Variants in RPL31 observed in about 807,000 individuals in gnomAD.
RPL31 encodes the protein large ribosomal subunit protein eL31.
For synonymous variants in RPL31, 51 were observed against 55.0 expected (o/e 0.93, Z 0.32); for missense variants, 95 against 164.0 (o/e 0.58, Z 2.30).
At chr2:101,004,687 G>T in intron 3 of RPL31, 1 of 218,522 alleles carries the variant, frequency 4.6e-6, no homozygotes, top group African/African-American at 2.3e-5. Context: ...AGTTTTACCT[G>T]TCCTTCCCGG....
chr2:101,012,449 A>G (rs1011985108), intron 4 of RPL31, among the ~76,000 whole-genome samples: 3 of 152,252 alleles, frequency 2.0e-5, no homozygotes, highest in South Asian at 2.1e-4. Context: ...AACATGATAC[A>G]GCAACTCCAT....
downstream of RPL31, chr2:101,007,920 C>T: frequency 6.2e-7 from 1 of 1,614,014 alleles, no homozygotes; most frequent in Non-Finnish European, 8.5e-7. Context: ...GTTTGGATTT[C>T]ATGTCCAGTG....
intron 4 of RPL31, among the ~76,000 whole-genome samples, chr2:101,012,989 T>C (rs2278726): frequency 0.24 from 36,735 of 152,138 alleles, 4,646 homozygotes; most frequent in Middle Eastern, 0.33. Context: ...AGGATGGAAA[T>C]GGATTTCCCA....
intron 4 of RPL31, among the ~76,000 whole-genome samples, chr2:101,016,854 C>T (rs1189795510): frequency 6.6e-6 from 1 of 151,142 alleles, no homozygotes; most frequent in Non-Finnish European, 1.5e-5. Context: ...TGTTCTCACT[C>T]ATAGATGGGA....
At chr2:101,019,367 A>C (rs991847908) in exon 5 of RPL31, 23 of 204,126 alleles carry the variant, frequency 1.1e-4, no homozygotes, top group African/African-American at 5.3e-4. Context: ...CACCTTTAAA[A>C]AGTTTTTCAT....
chr2:101,012,360 C>A (rs991173397), intron 4 of RPL31, among the ~76,000 whole-genome samples: 1 of 152,130 alleles, frequency 6.6e-6, no homozygotes, highest in African/African-American at 2.4e-5. Flanking sequence ...GAATATTTGG[C>A]CATTAAAAGG....
At chr2:101,018,076 A>T (rs1679784417) in intron 4 of RPL31, 1 of 736,386 alleles carries the variant, frequency 1.4e-6, no homozygotes, top group Non-Finnish European at 2.2e-6. Context: ...ATCTAGGCTA[A>T]TGGGACTAGA....
chr2:101,008,204 A>G (rs1274906111), downstream of RPL31: 1 of 1,608,800 alleles, frequency 6.2e-7, no homozygotes, highest in Non-Finnish European at 8.5e-7. Flanking sequence ...ATGGCTTGAT[A>G]CAAATCATTT....
chr2:101,015,765 G>A (rs936699296), intron 4 of RPL31, among the ~76,000 whole-genome samples: 4 of 152,262 alleles, frequency 2.6e-5, no homozygotes, highest in Middle Eastern at 3.4e-3. Flanking sequence ...CAGAAACAAC[G>A]CCGCATATCC....
At chr2:101,007,875 T>G (rs2105353326), downstream of RPL31, 1 of 1,612,422 alleles carries the variant, frequency 6.2e-7, no homozygotes, top group Non-Finnish European at 8.5e-7. Context: ...TTTCAAAAGT[T>G]TTGAGATTGT....
Position 101,005,948 on chromosome 2 carries a change from GTTT to G in RPL31, c.234-8_234-6del. ...GCATTGACTTCAGCAACACAATTAT[GTTT>G]TTATTAGGAATGTGCCATACCGAAT... On this transcript the variant is annotated splice_polypyrimidine_tract_variant and splice_region_variant and intron_variant, in intron 3 of 4. Coordinates refer to ENST00000264258, the MANE Select transcript of RPL31 (RefSeq NM_000993.5). The G allele has an allele frequency of 6.2e-7, 1 of 1,610,028 alleles. No individual in the cohort carries two copies. The highest frequency in any genetic ancestry group is 8.5e-7 in the Non-Finnish European group (1 of 1,178,348).
At chr2:101,011,254 TGGG>T, downstream of RPL31, 1 of 695,234 alleles carries the variant, frequency 1.4e-6, no homozygotes, top group South Asian at 1.9e-5. Flanking sequence ...AACTTGGTGG[TGGG>T]GGCAAGGGGC....
At chr2:101,015,488 CTT>C (rs1679560204) in intron 4 of RPL31, among the ~76,000 whole-genome samples, 2 of 152,152 alleles carry the variant, frequency 1.3e-5, no homozygotes, top group African/African-American at 4.8e-5. Context: ...CTTTTTGACT[CTT>C]TTGTAATAAC....
In RPL31 at chr2:101,004,230, A is replaced by G. The variant is rs988927314; in HGVS notation, c.180A>G (p.Pro60=). The change falls in exon 3 of 5, where the codon CCA becomes CCG. Residue 60 remains proline, a synonymous_variant. Coordinates refer to ENST00000264258, the MANE Select transcript of RPL31 (RefSeq NM_000993.5). The stretch of plus-strand genomic sequence containing the variant: ...TTGCCATGAAGGAGATGGGAACTCC[A>G]GATGTGCGCATTGACACCAGGCTCA... The part of the protein sequence containing the change: ...RKFAMKEMGT[P]DVRIDTRLNK... 5 of 1,614,000 alleles carry G rather than the reference A, an allele frequency of 3.1e-6. No homozygotes were observed. The African/African-American group carries it at 5.3e-5, about 17-fold the overall frequency.
chr2:101,018,849 A>T, intron 4 of RPL31: 1 of 953,974 alleles, frequency 1.0e-6, no homozygotes, highest in Non-Finnish European at 1.5e-6. Context: ...CTGAAAGTCC[A>T]ATTAGTATAA....
chr2:101,003,055 T>C (rs1182596387), intron 2 of RPL31, among the ~76,000 whole-genome samples: 1 of 152,148 alleles, frequency 6.6e-6, no homozygotes, highest in Non-Finnish European at 1.5e-5. Context: ...AGCTCCCTAC[T>C]CCTGTTCCCT....
chr2:101,009,947 G>A (rs1390149310), downstream of RPL31, among the ~76,000 whole-genome samples: 1 of 151,260 alleles, frequency 6.6e-6, no homozygotes, highest in Non-Finnish European at 1.5e-5. Flanking sequence ...TCAGCCTCCC[G>A]AGTAGCTGGG....
At position 101,006,077 on chromosome 2, in the gene RPL31, T is replaced by C; in HGVS notation, c.346+6T>C. On this transcript the variant is annotated splice_donor_region_variant and intron_variant, in intron 4 of 4. Coordinates refer to ENST00000264258, the MANE Select transcript of RPL31 (RefSeq NM_000993.5). ...ACCTGTTACCACTTTCAAAAGTAAG[T>C]TCTCCATCCCATAAAGCCATTTAAA... The C allele has an allele frequency of 4.3e-6, 7 of 1,612,396 alleles. No homozygotes were observed. The highest frequency in any genetic ancestry group is 8.5e-7 in the Non-Finnish European group (1 of 1,179,436).
chr2:101,007,244 C>CTT lies in RPL31; in HGVS notation c.*864_*865dup, dbSNP rs1440609774. 6.6e-6 allele frequency: 1 copy of CTT among 152,252 alleles called. No individual in the cohort carries two copies. Among genetic ancestry groups the CTT allele is most frequent in the Non-Finnish European group, 1.5e-5 (1 of 68,116 alleles). 9.4% of individuals were successfully genotyped at this position (152,252 alleles called of 1,614,324 possible). A position where few individuals can be genotyped will look rare whatever the true frequency, so the allele number is the denominator to read the frequency against. On this transcript the variant is annotated 3_prime_UTR_variant, in exon 5 of 5. Coordinates refer to ENST00000264258, the MANE Select transcript of RPL31 (RefSeq NM_000993.5). ...AGGACCAAGTAAATACAAAAAGTTT[C>CTT]TTATTAAAAAACTTGGAAGCCAACA...
Sources: gnomAD v4.1 joint callset for allele counts (sites outside exome capture counted in the v4.1 genomes callset) on GRCh38, gnomAD v4.1.1 for gene constraint, MANE v1.5 for transcripts, NCBI Gene and HGNC (gene_info 2026-07-23, HGNC 2026-07-21) for gene names.